RBM20: variants seen among roughly 807,000 people sequenced by gnomAD.
The protein encoded by RBM20 is RNA binding motif protein 20.
In RBM20, 51 loss-of-function variants were observed where a neutral mutation model predicts 110.1. The ratio of observed to expected loss-of-function variants is 0.46; its 90% CI spans 0.37 to 0.59. The LOEUF is 0.59. Ranked by LOEUF, RBM20 falls within the 20% of genes least tolerant of loss-of-function variation. The probability of loss-of-function intolerance (pLI) is 0.00; values close to 1 mark genes in which losing one functional copy is unlikely to be tolerated. For synonymous variants in RBM20, 589 were observed against 618.2 expected (o/e 0.95, Z 0.70); for missense variants, 1,512 against 1,574.9 (o/e 0.96, Z 0.68).
intron 1 of RBM20, among the ~76,000 whole-genome samples, chr10:110,732,961 C>T (rs557510621): frequency 1.1e-4 from 16 of 152,172 alleles, no homozygotes; most frequent in Non-Finnish European, 1.6e-4. Context: ...TCACCAGGCT[C>T]GGAAAATCTC....
intron 1 of RBM20, among the ~76,000 whole-genome samples, chr10:110,675,832 G>A (rs1168251214): frequency 6.6e-6 from 1 of 152,202 alleles, no homozygotes; most frequent in Non-Finnish European, 1.5e-5. Flanking sequence ...TTTACCTCAG[G>A]TTGTTGGGAG....
At position 110,812,848 on chromosome 10, in the gene RBM20, C is replaced by T. The variant is rs1346044592; in HGVS notation, c.2451C>T (p.Gly817=). 3.1e-5 allele frequency: 47 copies of T among 1,511,682 alleles called. No individual in the cohort carries two copies. Among genetic ancestry groups the T allele is most frequent in the Admixed American group, 1.2e-4 (5 of 42,620 alleles). The allele number at this position is 1,511,682 out of a possible 1,614,324, so 93.6% of individuals were successfully genotyped here. A position where few individuals can be genotyped will look rare whatever the true frequency, so the allele number is the denominator to read the frequency against. Residue 817 remains glycine (G), a synonymous_variant, in exon 9 of 14, where the codon GGC becomes GGT. Coordinates refer to ENST00000369519, the MANE Select transcript of RBM20 (RefSeq NM_001134363.3). ...LGPKVTRAPE[G]AKAKQNEKNK... ...CAAAGGTCACTAGGGCCCCTGAGGG[C>T]GCCAAGGCCAAGCAGAATGAGAAAA...
At position 110,821,609 on chromosome 10, in the gene RBM20, T is replaced by G. The variant is rs1183680841; in HGVS notation, c.2990T>G (p.Val997Gly). Residue 997 changes from valine to glycine, a missense_variant, in exon 11 of 14, where the codon GTG (valine) becomes GGG (glycine). Physicochemically the swap from Val to Gly is moderately radical, Grantham distance 109 (BLOSUM62 -3). Transcript: ENST00000369519. The stretch of plus-strand genomic sequence containing the variant: ...ACAAGCTGTCCCAGTGACATGGACG[T>G]GGAAATGCCTGGCCTAAATCTGGAT... The part of the protein sequence containing the change: ...ASTSCPSDMD[V>G]EMPGLNLDAE... 1 of 1,551,270 alleles carries G rather than the reference T, an allele frequency of 6.4e-7. No individual in the cohort carries two copies. Among genetic ancestry groups the G allele is most frequent in the Non-Finnish European group, 8.7e-7 (1 of 1,146,516 alleles).
chr10:110,741,898 G>T (rs1843729716), intron 1 of RBM20, among the ~76,000 whole-genome samples: 1 of 152,034 alleles, frequency 6.6e-6, no homozygotes, highest in Non-Finnish European at 1.5e-5. Flanking sequence ...CCAGTGTGAG[G>T]ATGATCAGTT....
intron 1 of RBM20, among the ~76,000 whole-genome samples, chr10:110,735,703 C>A (rs371851517): frequency 6.6e-6 from 1 of 152,172 alleles, no homozygotes; most frequent in Non-Finnish European, 1.5e-5. Context: ...AGTCATCTAG[C>A]GCATGAGCAT....
chr10:110,644,326 TCTC>T (rs1268890397), upstream of RBM20: 1 of 644,100 alleles, frequency 1.6e-6, no homozygotes, highest in Non-Finnish European at 2.3e-6. The surrounding 1 kb of genome is among the most constrained non-coding windows in gnomAD (Gnocchi z 4.3). Context: ...GCCCCTCGCG[TCTC>T]CTCCCCGCGC....
chr10:110,831,666 TAAAAAA>T (rs869203382), intron 13 of RBM20, among the ~76,000 whole-genome samples: 8 of 58,402 alleles, frequency 1.4e-4, no homozygotes, highest in Non-Finnish European at 2.6e-4. Flanking sequence ...CTTGCTAGAA[TAAAAAA>T]AAAAAAAAAA....
At chr10:110,727,996 G>A (rs1012161443) in intron 1 of RBM20, among the ~76,000 whole-genome samples, 2 of 152,096 alleles carry the variant, frequency 1.3e-5, no homozygotes, top group African/African-American at 4.8e-5. Flanking sequence ...CTTTTTTATG[G>A]CTGCATAGTA....
At chr10:110,646,016 C>A (rs11195249) in intron 1 of RBM20, among the ~76,000 whole-genome samples, 26,296 of 152,056 alleles carry the variant, frequency 0.17, 3,103 homozygotes, top group African/African-American at 0.32. Context: ...AAATGTAAAG[C>A]AACAGAGAAA....
intron 1 of RBM20, among the ~76,000 whole-genome samples, chr10:110,735,114 T>C (rs1843657667): frequency 6.6e-6 from 1 of 152,118 alleles, no homozygotes; most frequent in East Asian, 1.9e-4. Context: ...TTGATAACAA[T>C]CCCAAAGCAT....
At chr10:110,694,054 G>A (rs1358957513) in intron 1 of RBM20, among the ~76,000 whole-genome samples, 1 of 152,220 alleles carries the variant, frequency 6.6e-6, no homozygotes, top group Non-Finnish European at 1.5e-5. Flanking sequence ...TGGGGCACAA[G>A]AGCTTTGTGA....
At chr10:110,810,644 T>C (rs1314083791) in intron 8 of RBM20, among the ~76,000 whole-genome samples, 182 bp downstream of exon 8, 2 of 152,228 alleles carry the variant, frequency 1.3e-5, no homozygotes, top group Admixed American at 6.5e-5. Flanking sequence ...AGTTCAGACA[T>C]GCTGCTCCGG....
In RBM20 at chr10:110,833,390, G is replaced by GGAAAAAAAAAAAA. The variant is rs1272026300; in HGVS notation, c.3573+2208_3573+2209insGAAAAAAAAAAAA. On this transcript the variant is annotated intron_variant, in intron 13 of 13. Coordinates refer to ENST00000369519, the MANE Select transcript of RBM20 (RefSeq NM_001134363.3). The stretch of plus-strand genomic sequence containing the variant: ...GGTGACGGAGCGAAACTCTGTCTCA[G>GGAAAAAAAAAAAA]AAAAAAAAAAAAAAAAGAAATGCAG... Among the ~76,000 whole-genome samples the GGAAAAAAAAAAAA allele has an allele frequency of 4.8e-5, 3 of 62,222 alleles. 1 individual carries two copies. The highest frequency in any genetic ancestry group is 1.7e-3 in the South Asian group (2 of 1,162). 40.8% of individuals were successfully genotyped at this position (62,222 alleles called of 152,430 possible).
At chr10:110,665,226 A>G (rs1005958921) in intron 1 of RBM20, among the ~76,000 whole-genome samples, 3 of 152,174 alleles carry the variant, frequency 2.0e-5, no homozygotes, top group African/African-American at 4.8e-5. Flanking sequence ...AGGAATGAAT[A>G]TTAGCATTTT....
chr10:110,826,055 G>A (rs1844976744), intron 12 of RBM20, among the ~76,000 whole-genome samples: 1 of 152,192 alleles, frequency 6.6e-6, no homozygotes, highest in Non-Finnish European at 1.5e-5. Flanking sequence ...CCAGGGGGTT[G>A]TAGGGTGGTA....
intron 12 of RBM20, among the ~76,000 whole-genome samples, chr10:110,829,640 T>G (rs1231340590): frequency 6.6e-6 from 1 of 152,128 alleles, no homozygotes; most frequent in African/African-American, 2.4e-5. Context: ...TAATGACAAG[T>G]CTAGGCTGCT....
chr10:110,659,919 T>A (rs1222170686), intron 1 of RBM20, among the ~76,000 whole-genome samples: 1 of 151,694 alleles, frequency 6.6e-6, no homozygotes, highest in African/African-American at 2.4e-5. Context: ...TGCATACTGA[T>A]CCTCCCACCT....
At chr10:110,741,076 G>T (rs1194678390) in intron 1 of RBM20, among the ~76,000 whole-genome samples, 1 of 152,084 alleles carries the variant, frequency 6.6e-6, no homozygotes, top group Non-Finnish European at 1.5e-5. Flanking sequence ...CTCTGGTCAG[G>T]CTGAGCTTCT....
At position 110,761,736 on chromosome 10, in the gene RBM20, C is replaced by A. The variant is rs184788469; in HGVS notation, c.192-19065C>A. ...TCTACTTCCAGTGAGGGCCACTATA[C>A]CACCCGCTGCAGGACATGTCCCCGG... On this transcript the variant is annotated intron_variant, in intron 1 of 13. Coordinates refer to ENST00000369519, the MANE Select transcript of RBM20 (RefSeq NM_001134363.3). Among the ~76,000 whole-genome samples the A allele has an allele frequency of 3.7e-4, 57 of 152,350 alleles. 1 individual carries two copies. The highest frequency in any genetic ancestry group is 1.9e-4 in the East Asian group (1 of 5,188).
Sources: gnomAD v4.1 joint callset for allele counts (sites outside exome capture counted in the v4.1 genomes callset) on GRCh38, gnomAD v4.1.1 for gene constraint, Gnocchi (gnomAD v3.1) non-coding constraint, MANE v1.5 for transcripts, NCBI Gene and HGNC (gene_info 2026-07-23, HGNC 2026-07-21) for gene names.